The following ANKS1B variants were observed in gnomAD, a reference collection of about 807,000 sequenced individuals.
ANKS1B encodes ankyrin repeat and sterile alpha motif domain containing 1B, also known as ankyrin repeat and sterile alpha motif domain-containing protein 1B.
In ANKS1B, 36 loss-of-function variants were observed where a neutral mutation model predicts 148.3. That is an observed-to-expected ratio of 0.24 (90% confidence interval 0.19 to 0.32). The LOEUF (loss-of-function observed/expected upper bound fraction) is 0.32. Among genes scored for constraint, ANKS1B ranks in the 10% least tolerant of loss-of-function variants. ANKS1B has a pLI of 1.00. For missense variants in ANKS1B, 1,157 were observed against 1,542.6 expected, an observed-to-expected ratio of 0.75 and a Z score of 4.19; for synonymous variants, 542 against 560.8, an observed-to-expected ratio of 0.97 and a Z score of 0.47.
chr12:99,095,869 T>C (rs1443393442), intron 15 of ANKS1B, among the ~76,000 whole-genome samples: 1 of 152,200 alleles, frequency 6.6e-6, no homozygotes, highest in African/African-American at 2.4e-5. Flanking sequence ...TGTGAATTTC[T>C]CATAAAAAGA....
At chr12:99,459,403 A>G (rs1171854445) in intron 10 of ANKS1B, among the ~76,000 whole-genome samples, 1 of 152,108 alleles carries the variant, frequency 6.6e-6, no homozygotes, top group African/African-American at 2.4e-5. Flanking sequence ...TGGAAGTCCT[A>G]GCCAGAGAAA....
Position 99,399,799 on chromosome 12 carries a change from T to G in ANKS1B, c.1588A>C (p.Thr530Pro). ...AAATCCAGAGAAGACACAATGGATG[T>G]TCGCTGTTTAGGCTAAAATAAATGA... ...KVIRPQPKQR[T>P]SIVSSLDFHR... The change falls in exon 12 of 27, where the codon ACA (threonine) becomes CCA (proline). Residue 530 changes from threonine to proline, a missense_variant. Around this residue, in one of 6 missense-constraint regions of ANKS1B, gnomAD observed 661 missense variants for 642.1 expected, o/e 1.03. Transcript: ENST00000683438. 2.5e-6 allele frequency: 4 copies of G among 1,613,404 alleles called. No individual in the cohort carries two copies. Among genetic ancestry groups the G allele is most frequent in the Non-Finnish European group, 3.4e-6 (4 of 1,179,404 alleles).
At chr12:98,814,502 T>C (rs2099123761) in intron 19 of ANKS1B, among the ~76,000 whole-genome samples, 1 of 152,232 alleles carries the variant, frequency 6.6e-6, no homozygotes, top group East Asian at 1.9e-4. Context: ...CGGTTAATTG[T>C]ACCAGAAACT....
intron 17 of ANKS1B, among the ~76,000 whole-genome samples, chr12:98,979,493 G>A (rs1451515062): frequency 6.6e-6 from 1 of 151,700 alleles, no homozygotes; most frequent in African/African-American, 2.4e-5. Context: ...GGATGGTCTC[G>A]ATCTCCTGAA....
chr12:98,867,525 T>C (rs966509474), intron 17 of ANKS1B, among the ~76,000 whole-genome samples: 6 of 152,222 alleles, frequency 3.9e-5, no homozygotes, highest in African/African-American at 1.4e-4. Flanking sequence ...GTCATCTTCA[T>C]TTCTTTCATA....
intron 11 of ANKS1B, among the ~76,000 whole-genome samples, chr12:99,423,212 C>T (rs908290445): frequency 2.0e-5 from 3 of 152,012 alleles, no homozygotes; most frequent in African/African-American, 7.2e-5. Flanking sequence ...GAATTTATAA[C>T]ATTAAAATAA....
At chr12:99,677,984 T>G (rs922494188) in intron 8 of ANKS1B, among the ~76,000 whole-genome samples, 1 of 147,298 alleles carries the variant, frequency 6.8e-6, no homozygotes, top group Non-Finnish European at 1.5e-5. Flanking sequence ...AAAAAAAATT[T>G]TTTTTCAGTT....
intron 19 of ANKS1B, among the ~76,000 whole-genome samples, chr12:98,813,565 C>G: frequency 6.9e-6 from 1 of 144,992 alleles, no homozygotes; most frequent in Admixed American, 6.9e-5. Flanking sequence ...GCATTGGAGA[C>G]AGGGTCTTGC....
At chr12:99,146,066 C>T (rs1566435648) in intron 15 of ANKS1B, among the ~76,000 whole-genome samples, 1 of 151,808 alleles carries the variant, frequency 6.6e-6, no homozygotes, top group Non-Finnish European at 1.5e-5. Context: ...TATACTAATG[C>T]TTACAGTATA....
intron 14 of ANKS1B, among the ~76,000 whole-genome samples, chr12:99,239,528 C>G (rs1299087003): frequency 2.0e-5 from 3 of 152,138 alleles, no homozygotes; most frequent in Admixed American, 1.3e-4. Context: ...CCGAATCTAG[C>G]AAGGCAGGCC....
chr12:99,113,953 G>A (rs1195343567), intron 15 of ANKS1B, among the ~76,000 whole-genome samples: 2 of 152,020 alleles, frequency 1.3e-5, no homozygotes, highest in African/African-American at 4.8e-5. Flanking sequence ...TATACTCTAG[G>A]TTTTAGCTTC....
intron 14 of ANKS1B, among the ~76,000 whole-genome samples, chr12:99,189,713 G>C (rs2080382764): frequency 6.6e-6 from 1 of 152,120 alleles, no homozygotes; most frequent in Non-Finnish European, 1.5e-5. Flanking sequence ...AGCTATTTAT[G>C]ACAAACCCAC....
At chr12:99,888,969 A>AAC (rs6144833) in intron 1 of ANKS1B, among the ~76,000 whole-genome samples, 3,426 of 147,264 alleles carry the variant, frequency 0.023, 126 homozygotes, top group African/African-American at 0.079. Flanking sequence ...CCTTCGCCAA[A>AAC]ACACACACAC....
intron 15 of ANKS1B, among the ~76,000 whole-genome samples, chr12:99,145,321 G>A (rs1340660768): frequency 6.6e-6 from 1 of 152,098 alleles, no homozygotes; most frequent in African/African-American, 2.4e-5. Context: ...AGATATCTGA[G>A]CAGGTGTGGC....
intron 1 of ANKS1B, among the ~76,000 whole-genome samples, chr12:99,859,941 C>A (rs1053169760): frequency 6.6e-6 from 1 of 152,164 alleles, no homozygotes; most frequent in African/African-American, 2.4e-5. Context: ...GGCCACCGCG[C>A]CCGGCCGAAA....
chr12:99,078,622 G>A (rs1252449529), intron 16 of ANKS1B, among the ~76,000 whole-genome samples: 1 of 152,046 alleles, frequency 6.6e-6, no homozygotes, highest in Non-Finnish European at 1.5e-5. Flanking sequence ...GGAAATAAAG[G>A]GTGTTTTTTT....
intron 9 of ANKS1B, among the ~76,000 whole-genome samples, chr12:99,555,542 T>G (rs2097267085): frequency 6.6e-6 from 1 of 152,188 alleles, no homozygotes; most frequent in African/African-American, 2.4e-5. Context: ...TGCTTCTAGC[T>G]TTTGTGCATT....
chr12:98,819,885 G>A (rs548728113), intron 19 of ANKS1B, among the ~76,000 whole-genome samples: 16 of 152,218 alleles, frequency 1.1e-4, no homozygotes, highest in African/African-American at 3.9e-4. Context: ...TAGAATAGAG[G>A]CCCATACAGA....
chr12:99,904,320 T>C (rs7315081), intron 1 of ANKS1B, among the ~76,000 whole-genome samples: 91,721 of 151,442 alleles, frequency 0.61, 28,878 homozygotes, highest in African/African-American at 0.69. Context: ...GCCTCCCAAG[T>C]AGCTGGGATT....
Sources: allele counts gnomAD v4.1 joint callset (sites outside exome capture counted in the v4.1 genomes callset), GRCh38; gene constraint gnomAD v4.1.1; regional missense constraint gnomAD v4.1.1; transcripts MANE v1.5; gene names NCBI Gene and HGNC (gene_info 2026-07-23, HGNC 2026-07-21).